GRID2: variants seen among roughly 807,000 people sequenced by gnomAD.
GRID2 encodes glutamate ionotropic receptor delta type subunit 2.
GRID2 carries 33 observed loss-of-function variants against 114.8 expected under a neutral mutation model. The observed-to-expected ratio is 0.29, with a 90% CI of 0.22 to 0.38. GRID2 has a LOEUF of 0.38. GRID2 is among the 10% of genes least tolerant of loss of function. The pLI, the probability that GRID2 is intolerant of heterozygous loss-of-function variation, is 1.00. For missense variants in GRID2, 1,184 were observed against 1,257.7 expected (o/e 0.94, Z 0.89); for synonymous variants, 505 against 449.9 (o/e 1.12, Z -1.55).
chr4:92,525,219 C>G (rs2149143754), intron 1 of GRID2, among the ~76,000 whole-genome samples: 1 of 151,288 alleles, frequency 6.6e-6, no homozygotes, highest in Admixed American at 6.6e-5. Context: ...AGAGAATATT[C>G]AGAGAATAGG....
chr4:92,667,566 T>C (rs996498543), intron 2 of GRID2, among the ~76,000 whole-genome samples: 4 of 151,660 alleles, frequency 2.6e-5, no homozygotes, highest in South Asian at 2.1e-4. Context: ...ACATAGACTC[T>C]AGAAAGGTCC....
chr4:92,591,686 C>G (rs905685456), intron 2 of GRID2, among the ~76,000 whole-genome samples: 3 of 151,956 alleles, frequency 2.0e-5, no homozygotes, highest in African/African-American at 7.3e-5. Flanking sequence ...TATTTTCAAT[C>G]AATAGCACTG....
chr4:92,864,349 A>G (rs903587364), intron 2 of GRID2, among the ~76,000 whole-genome samples: 13 of 152,330 alleles, frequency 8.5e-5, no homozygotes, highest in African/African-American at 2.9e-4. Flanking sequence ...TCTTTTCAAT[A>G]GCAGAATCAT....
intron 2 of GRID2, among the ~76,000 whole-genome samples, chr4:92,644,791 A>G (rs565352831): frequency 1.3e-5 from 2 of 151,756 alleles, no homozygotes; most frequent in African/African-American, 4.8e-5. Flanking sequence ...ACTTTCTCAA[A>G]TTTATTAGAA....
chr4:93,236,627 A>G (rs10024457), intron 7 of GRID2, among the ~76,000 whole-genome samples: 69,664 of 151,660 alleles, frequency 0.46, 17,252 homozygotes, highest in Middle Eastern at 0.66. Flanking sequence ...GTTTACCTGG[A>G]GTTCCAATTG....
intron 13 of GRID2, among the ~76,000 whole-genome samples, chr4:93,545,682 C>T (rs1733145093): frequency 6.6e-6 from 1 of 152,160 alleles, no homozygotes; most frequent in Non-Finnish European, 1.5e-5. Context: ...TTAAAATCAG[C>T]TATGGTGGTC....
chr4:92,906,838 G>A (rs1294264816), intron 2 of GRID2, among the ~76,000 whole-genome samples: 3 of 151,840 alleles, frequency 2.0e-5, no homozygotes, highest in African/African-American at 7.3e-5. Context: ...ATTTTTCCTT[G>A]ACTTAGATTA....
intron 2 of GRID2, among the ~76,000 whole-genome samples, chr4:92,971,138 T>C (rs1411220093): frequency 6.6e-6 from 1 of 151,992 alleles, no homozygotes; most frequent in Non-Finnish European, 1.5e-5. Flanking sequence ...GCCCAGATCA[T>C]CTTAAAGCTT....
At chr4:93,690,811 A>G (rs1393835361) in intron 14 of GRID2, among the ~76,000 whole-genome samples, 1 of 151,370 alleles carries the variant, frequency 6.6e-6, no homozygotes, top group Non-Finnish European at 1.5e-5. Context: ...TCATTCCAAT[A>G]TAATGAAATG....
intron 2 of GRID2, among the ~76,000 whole-genome samples, chr4:92,956,804 C>A (rs2149144292): frequency 6.6e-6 from 1 of 152,304 alleles, no homozygotes; most frequent in East Asian, 1.9e-4. Flanking sequence ...GGTTCACATC[C>A]TCCCCAGCAT....
At chr4:93,415,197 A>G (rs1297398538) in intron 9 of GRID2, among the ~76,000 whole-genome samples, 2 of 152,132 alleles carry the variant, frequency 1.3e-5, no homozygotes, top group Admixed American at 6.6e-5. Context: ...CATTTGGTAC[A>G]GCCAGTCACT....
intron 9 of GRID2, among the ~76,000 whole-genome samples, chr4:93,401,715 A>C (rs992221497): frequency 2.6e-5 from 4 of 152,182 alleles, no homozygotes; most frequent in African/African-American, 9.6e-5. Context: ...ATACACAGAA[A>C]TAGGAAATAC....
At chr4:93,167,800 T>A (rs572896145) in intron 4 of GRID2, among the ~76,000 whole-genome samples, 117 of 152,286 alleles carry the variant, frequency 7.7e-4, no homozygotes, top group Non-Finnish European at 1.2e-3. Flanking sequence ...AGTATTTGGA[T>A]TATGTTTTAA....
chr4:93,644,090 C>A (rs1307730176), intron 14 of GRID2, among the ~76,000 whole-genome samples: 1 of 80,310 alleles, frequency 1.2e-5, no homozygotes, highest in African/African-American at 8.0e-5. Flanking sequence ...GTGCGTCCGT[C>A]ACCCCTTTCT....
intron 2 of GRID2, among the ~76,000 whole-genome samples, chr4:92,743,977 A>G (rs544674517): frequency 2.4e-4 from 37 of 152,264 alleles, no homozygotes; most frequent in African/African-American, 7.9e-4. Flanking sequence ...TTAGTTCTCT[A>G]TTCAAATTGT....
intron 1 of GRID2, among the ~76,000 whole-genome samples, chr4:92,426,689 A>G (rs936966259): frequency 2.6e-5 from 4 of 152,168 alleles, no homozygotes; most frequent in Admixed American, 2.6e-4. Context: ...TGATTTGTTG[A>G]AAAACTGTTT....
intron 1 of GRID2, 28 bp from the exon 2 acceptor site, chr4:92,590,103 T>C (rs770621044): frequency 9.8e-6 from 15 of 1,532,884 alleles, no homozygotes; most frequent in Admixed American, 1.7e-5. Context: ...TATGTTATTA[T>C]TTAATGGCAA....
At chr4:93,438,998 C>A (rs540877253) in intron 10 of GRID2, among the ~76,000 whole-genome samples, 1 of 152,202 alleles carries the variant, frequency 6.6e-6, no homozygotes, top group South Asian at 2.1e-4. Flanking sequence ...CATGTCCCTA[C>A]AAAGGACATG....
chr4:92,857,512 A>C (rs1744257388), intron 2 of GRID2, among the ~76,000 whole-genome samples: 5 of 152,212 alleles, frequency 3.3e-5, no homozygotes, highest in Admixed American at 3.3e-4. Flanking sequence ...GCATTTCTTT[A>C]AGTCAAAGCC....
Sources: gnomAD v4.1 joint callset for allele counts (sites outside exome capture counted in the v4.1 genomes callset) on GRCh38, gnomAD v4.1.1 for gene constraint, MANE v1.5 for transcripts, NCBI Gene and HGNC (gene_info 2026-07-23, HGNC 2026-07-21) for gene names.